TRIM37: variants seen among roughly 807,000 people sequenced by gnomAD.
The protein encoded by TRIM37 is tripartite motif containing 37.
TRIM37 carries 80 observed loss-of-function variants against 129.8 expected under a neutral mutation model. That is an observed-to-expected ratio of 0.62 (90% CI 0.51 to 0.74). TRIM37 has a LOEUF of 0.74. Ranked by LOEUF, TRIM37 falls within the 30% of genes least tolerant of loss-of-function variation. The pLI is 0.00. For missense variants in TRIM37, 1,054 were observed against 1,176.5 expected (o/e 0.90, Z 1.52); for synonymous variants, 389 against 387.1 (o/e 1.00, Z -0.06).
intron 17 of TRIM37, among the ~76,000 whole-genome samples, chr17:59,032,870 C>T (rs554246218): frequency 2.6e-4 from 39 of 152,184 alleles, no homozygotes; most frequent in African/African-American, 8.7e-4. Context: ...GTTTGGTAGA[C>T]TTTTTCTACT....
At chr17:59,101,707 C>T (rs1453686292) in intron 2 of TRIM37, among the ~76,000 whole-genome samples, 1 of 138,420 alleles carries the variant, frequency 7.2e-6, no homozygotes, top group Non-Finnish European at 1.5e-5. Context: ...CACACACACA[C>T]ACACACACAC....
intron 17 of TRIM37, among the ~76,000 whole-genome samples, chr17:59,035,184 C>T (rs141423903): frequency 4.3e-4 from 65 of 152,120 alleles, no homozygotes; most frequent in African/African-American, 1.5e-3. Flanking sequence ...CTCAGCCTCC[C>T]GAGTAGCTGG....
At chr17:59,098,528 G>C (rs985922296) in intron 2 of TRIM37, among the ~76,000 whole-genome samples, 2 of 152,050 alleles carry the variant, frequency 1.3e-5, no homozygotes, top group Non-Finnish European at 2.9e-5. Context: ...AGCCAGGCAC[G>C]ATGGCACACA....
chr17:59,008,393 C>G (rs1418393569), intron 22 of TRIM37, among the ~76,000 whole-genome samples: 2 of 152,186 alleles, frequency 1.3e-5, no homozygotes, highest in Non-Finnish European at 2.9e-5. Context: ...ACATGAATAA[C>G]TCCATTCTTT....
intron 19 of TRIM37, among the ~76,000 whole-genome samples, chr17:59,027,825 G>A (rs2037406776): frequency 6.6e-6 from 1 of 152,100 alleles, no homozygotes; most frequent in African/African-American, 2.4e-5. Flanking sequence ...TTCGTCTCCT[G>A]CTAGTCTCCT....
At chr17:59,081,964 A>T (rs11871664) in intron 5 of TRIM37, among the ~76,000 whole-genome samples, 73,584 of 89,652 alleles carry the variant, frequency 0.82, 30,336 homozygotes, top group Admixed American at 0.87. Context: ...AAAAAAAAAA[A>T]AATAATAATA....
chr17:59,062,960 C>A (rs1260018978), intron 10 of TRIM37, among the ~76,000 whole-genome samples: 2 of 152,160 alleles, frequency 1.3e-5, no homozygotes, highest in African/African-American at 4.8e-5. Context: ...AATGCTTCAA[C>A]AAGCAGTCTT....
intron 13 of TRIM37, among the ~76,000 whole-genome samples, chr17:59,055,710 G>C (rs892655274): frequency 9.0e-5 from 12 of 133,372 alleles, no homozygotes; most frequent in Non-Finnish European, 1.6e-4. Context: ...AAAAAAAAAA[G>C]CTAAATGATG....
intron 13 of TRIM37, among the ~76,000 whole-genome samples, chr17:59,051,615 A>G (rs946156925): frequency 1.3e-5 from 2 of 152,232 alleles, no homozygotes. Context: ...TGTAACTAAA[A>G]TACAATGATG....
intron 16 of TRIM37, among the ~76,000 whole-genome samples, chr17:59,044,136 G>A (rs974976207): frequency 5.9e-5 from 9 of 152,198 alleles, no homozygotes; most frequent in Non-Finnish European, 1.5e-5. Context: ...GTGAGACCCT[G>A]TCTCTACAAA....
rs765983264 is a variant in TRIM37 at position 59,017,366 on chromosome 17, T to C, written c.2316A>G (p.Leu772=). 2.8e-5 allele frequency: 45 copies of C among 1,614,048 alleles called. No individual in the cohort carries two copies. Among genetic ancestry groups the C allele is most frequent in the Admixed American group, 1.3e-4 (8 of 60,010 alleles). ...KPARSSVAGS[L]SLRRAVDPGE... is the part of the protein sequence containing the mutation. ...CAGGGTCCACTGCTCTTCGAAGTGA[T>C]AGACTACCTGCTACACTGGATCGAG... Residue 772 remains leucine, a synonymous_variant, in exon 20 of 24, where the codon CTA becomes CTG. Transcript: ENST00000262294.
At chr17:59,066,431 G>A (rs116486464) in intron 9 of TRIM37, among the ~76,000 whole-genome samples, 2,554 of 152,146 alleles carry the variant, frequency 0.017, 60 homozygotes, top group African/African-American at 0.058. Context: ...TGTTATTTCT[G>A]CTCTAAGTCC....
In TRIM37 at chr17:59,015,807, A is replaced by C; in HGVS notation, c.2387-8T>G. On this transcript the variant is annotated splice_polypyrimidine_tract_variant and splice_region_variant and intron_variant, in intron 20 of 23. Transcript: ENST00000262294. The stretch of plus-strand genomic sequence containing the variant: ...GAGAGCTTCCTGGGGAGCCTTCAAA[A>C]AAAGGAAGATGGAATACAAAAATTA... 6.2e-7 allele frequency: 1 copy of C among 1,612,040 alleles called. No homozygotes were observed. Among genetic ancestry groups the C allele is most frequent in the Non-Finnish European group, 8.5e-7 (1 of 1,179,700 alleles).
At chr17:58,977,650 G>C (rs899233756), downstream of TRIM37, among the ~76,000 whole-genome samples, 1 of 152,138 alleles carries the variant, frequency 6.6e-6, no homozygotes, top group Non-Finnish European at 1.5e-5. Flanking sequence ...GCTAGATAGG[G>C]CATGTGCCCA....
chr17:59,084,338 CAT>C (rs1311621490), intron 4 of TRIM37, among the ~76,000 whole-genome samples: 2 of 152,276 alleles, frequency 1.3e-5, no homozygotes, highest in East Asian at 3.9e-4. Flanking sequence ...TTCTTAAAAA[CAT>C]AACACATATT....
chr17:58,978,870 A>G (rs2031189247), downstream of TRIM37, among the ~76,000 whole-genome samples: 1 of 152,150 alleles, frequency 6.6e-6, no homozygotes, highest in African/African-American at 2.4e-5. Flanking sequence ...AAAGCCCTAA[A>G]TGATCAATTA....
At chr17:59,063,538 T>TA (rs1755256443) in intron 10 of TRIM37, among the ~76,000 whole-genome samples, 1 of 152,180 alleles carries the variant, frequency 6.6e-6, no homozygotes, top group African/African-American at 2.4e-5. Context: ...CTGAAGACCT[T>TA]ATAGTCCTTG....
chr17:59,016,113 GC>G (rs2035897352), intron 20 of TRIM37, among the ~76,000 whole-genome samples: 2 of 152,026 alleles, frequency 1.3e-5, no homozygotes, highest in South Asian at 4.2e-4. Flanking sequence ...TCAAAAATAG[GC>G]CAGGTGTGGT....
rs958344450 is a variant in TRIM37 at position 59,041,374 on chromosome 17, A to T, written c.1753+439T>A. ...AGATCCTTCGTAAGTCTAAGAGTCA[A>T]TGATTCCACTGAGATCATTCTATAG... On this transcript the variant is annotated intron_variant, in intron 17 of 23. Transcript: ENST00000262294. Among the ~76,000 whole-genome samples the T allele has an allele frequency of 2.0e-5, 3 of 152,244 alleles. No individual in the cohort carries two copies. The East Asian group carries it at 5.8e-4, about 29-fold the overall frequency.
Sources: allele counts gnomAD v4.1 joint callset (sites outside exome capture counted in the v4.1 genomes callset), GRCh38; gene constraint gnomAD v4.1.1; transcripts MANE v1.5; gene names NCBI Gene and HGNC (gene_info 2026-07-23, HGNC 2026-07-21).